The following TRRAP variants were observed in gnomAD, a reference collection of about 807,000 sequenced individuals.
The protein encoded by TRRAP is transformation/transcription domain-associated protein.
In TRRAP, 41 loss-of-function variants were observed where a neutral mutation model predicts 438.8. The ratio of observed to expected loss-of-function variants is 0.09; its 90% confidence interval spans 0.07 to 0.12. The LOEUF is 0.12. TRRAP is among the 10% of genes least tolerant of loss of function. The pLI is 1.00. For missense variants in TRRAP, 3,122 were observed against 5,055.1 expected (o/e 0.62, Z 11.60); for synonymous variants, 1,994 against 1,962.9 (o/e 1.02, Z -0.42).
At chr7:98,987,892 G>A (rs1299838434) in intron 62 of TRRAP, among the ~76,000 whole-genome samples, 1 of 151,946 alleles carries the variant, frequency 6.6e-6, no homozygotes, top group African/African-American at 2.4e-5. Context: ...AGATGTTGTT[G>A]GACTTTTTTC....
intron 26 of TRRAP, 152 bp from the exon 27 acceptor site, chr7:98,933,089 C>T (rs1370315660): frequency 4.8e-6 from 5 of 1,044,684 alleles, no homozygotes; most frequent in Non-Finnish European, 5.2e-6. Flanking sequence ...CTCTCCACGA[C>T]CGAGGTTTTG....
At chr7:98,886,831 T>C (rs549484262) in intron 3 of TRRAP, among the ~76,000 whole-genome samples, 4 of 152,318 alleles carry the variant, frequency 2.6e-5, no homozygotes, top group South Asian at 2.1e-4. Flanking sequence ...TTTATCTGGA[T>C]CAAAAAACTG....
At chr7:98,945,722 A>G in intron 31 of TRRAP, 25 bp from the exon 32 acceptor site, 1 of 1,596,624 alleles carries the variant, frequency 6.3e-7, no homozygotes, top group South Asian at 1.1e-5. Context: ...AATAGAAAAA[A>G]GATGATTTTC....
chr7:98,974,697 A>T (rs902067443), intron 53 of TRRAP, among the ~76,000 whole-genome samples: 3 of 152,256 alleles, frequency 2.0e-5, no homozygotes, highest in Non-Finnish European at 2.9e-5. Context: ...CTGGAAAAAA[A>T]CAATTTAAAA....
intron 3 of TRRAP, among the ~76,000 whole-genome samples, chr7:98,888,618 T>A (rs1277637539): frequency 2.0e-5 from 3 of 152,232 alleles, no homozygotes; most frequent in African/African-American, 7.2e-5. Context: ...CCTTTTACAC[T>A]CGTGCTTTCT....
intron 3 of TRRAP, among the ~76,000 whole-genome samples, chr7:98,886,050 C>T (rs782046376): frequency 2.0e-4 from 30 of 152,100 alleles, no homozygotes; most frequent in Non-Finnish European, 8.8e-5. Context: ...TTTGGGAGGC[C>T]GAGGCGGGTG....
chr7:98,990,778 C>T (rs1793397782), intron 64 of TRRAP, among the ~76,000 whole-genome samples, 159 bp downstream of exon 64: 2 of 152,052 alleles, frequency 1.3e-5, no homozygotes, highest in Non-Finnish European at 1.5e-5. Flanking sequence ...TAATATAAAG[C>T]ATAATTAAAA....
At chr7:98,971,289 G>C (rs1248726601) in intron 52 of TRRAP, among the ~76,000 whole-genome samples, 1 of 152,074 alleles carries the variant, frequency 6.6e-6, no homozygotes, top group Non-Finnish European at 1.5e-5. Flanking sequence ...CCAAATTGTC[G>C]ATACCTGACT....
intron 45 of TRRAP, among the ~76,000 whole-genome samples, chr7:98,960,783 G>A (rs1327380359): frequency 6.6e-6 from 1 of 151,670 alleles, no homozygotes; most frequent in African/African-American, 2.4e-5. Context: ...GTGTGTGTGT[G>A]TGTGTGTATT....
In TRRAP at chr7:98,949,441, A is replaced by C. The variant is rs1562955581; in HGVS notation, c.4813A>C (p.Arg1605=). ...FMSFLKHKDA[R]PLRDVLAANP... is the part of the protein sequence containing the mutation. ...GAGTTTTTTAAAACACAAAGACGCC[A>C]GACCTCTGCGGGATGTGCTGGCTGC... Residue 1605 remains arginine, a synonymous_variant, in exon 36 of 73, where the codon AGA becomes CGA. Coordinates refer to ENST00000456197, the MANE Select transcript of TRRAP (RefSeq NM_001375524.1). 1.3e-6 allele frequency: 2 copies of C among 1,583,502 alleles called. No homozygotes were observed. The highest frequency in any genetic ancestry group is 1.7e-6 in the Non-Finnish European group (2 of 1,169,024).
intron 51 of TRRAP, among the ~76,000 whole-genome samples, chr7:98,969,547 G>T (rs891399238): frequency 2.0e-5 from 3 of 152,258 alleles, no homozygotes; most frequent in African/African-American, 7.2e-5. Flanking sequence ...ATGGCACCCA[G>T]TGGGTGCTCA....
intron 58 of TRRAP, among the ~76,000 whole-genome samples, chr7:98,979,681 C>T (rs1318402092): frequency 1.3e-5 from 2 of 152,136 alleles, no homozygotes; most frequent in African/African-American, 2.4e-5. Flanking sequence ...CCAAAGTTTC[C>T]CTTAGCTGGA....
intron 30 of TRRAP, among the ~76,000 whole-genome samples, chr7:98,939,273 C>T (rs1403954236): frequency 6.6e-6 from 1 of 152,042 alleles, no homozygotes; most frequent in African/African-American, 2.4e-5. Context: ...TACTGATGGA[C>T]AGATAAGGTA....
In TRRAP at chr7:98,953,282, A is replaced by G; in HGVS notation, c.5579A>G (p.Asn1860Ser). 1.2e-6 allele frequency: 2 copies of G among 1,613,650 alleles called. No individual in the cohort carries two copies. Among genetic ancestry groups the G allele is most frequent in the Non-Finnish European group, 1.7e-6 (2 of 1,179,980 alleles). Residue 1860 changes from asparagine (N) to serine (S), a missense_variant, in exon 40 of 73, where the codon AAC becomes AGC. Transcript: ENST00000456197. ...CACCACATCCATGACAACAACAAGAACCGCAACAGCAAGCTGCGCCGCCTC... is the reference window on the plus strand; with the variant it reads ...CACCACATCCATGACAACAACAAGAGCCGCAACAGCAAGCTGCGCCGCCTC... Reference protein sequence around the residue: ...APHHIHDNNKNRNSKLRRLMT... With the variant: ...APHHIHDNNKSRNSKLRRLMT...
chr7:98,914,224 A>G (rs1210045318), intron 18 of TRRAP, among the ~76,000 whole-genome samples: 3 of 151,824 alleles, frequency 2.0e-5, no homozygotes, highest in Non-Finnish European at 2.9e-5. Flanking sequence ...GTGAGACCCT[A>G]TCTCTACAAA....
chr7:98,890,589 C>G, intron 4 of TRRAP, 144 bp downstream of exon 4: 1 of 583,942 alleles, frequency 1.7e-6, no homozygotes, highest in East Asian at 3.0e-5. Context: ...CCGCTGCCTC[C>G]TCAGTTACAT....
intron 43 of TRRAP, among the ~76,000 whole-genome samples, chr7:98,957,267 T>A (rs1405808900): frequency 6.6e-6 from 1 of 152,216 alleles, no homozygotes; most frequent in African/African-American, 2.4e-5. Context: ...CTCCCTGTTC[T>A]CTCTTTCGCT....
rs1790619243 is a variant in TRRAP, at chr7:98,937,728, C to T, written c.4312C>T (p.Arg1438Trp). 2 of 1,614,008 alleles carry T rather than the reference C, an allele frequency of 1.2e-6. No homozygotes were observed. Among genetic ancestry groups the T allele is most frequent in the Non-Finnish European group, 1.7e-6 (2 of 1,179,942 alleles). ...TTTGCTGATGATGCTGGGAGATTAC[C>T]GGAGCTTGACGCTGAATGTTGTGAA... ...RPLLMMLGDY[R>W]SLTLNVVNRL... Residue 1438 changes from arginine (R) to tryptophan (W), a missense_variant, in exon 30 of 73, where the codon CGG becomes TGG. Arg to Trp is a moderately radical substitution (Grantham distance 101). Coordinates refer to ENST00000456197, the MANE Select transcript of TRRAP (RefSeq NM_001375524.1).
At chr7:98,888,023 G>A (rs1795791242) in intron 3 of TRRAP, among the ~76,000 whole-genome samples, 1 of 152,124 alleles carries the variant, frequency 6.6e-6, no homozygotes. Flanking sequence ...GAGGTCAGGA[G>A]ATCGAGACCA....
Sources: allele counts gnomAD v4.1 joint callset (sites outside exome capture counted in the v4.1 genomes callset), GRCh38; gene constraint gnomAD v4.1.1; transcripts MANE v1.5; gene names NCBI Gene and HGNC (gene_info 2026-07-23, HGNC 2026-07-21).